MCM4: variants seen among roughly 807,000 people sequenced by gnomAD.
MCM4 encodes the protein DNA replication licensing factor MCM4.
In MCM4, 60 loss-of-function variants were observed where a neutral mutation model predicts 88.7. That is an observed-to-expected ratio of 0.68 (90% CI 0.55 to 0.84). MCM4 has a LOEUF of 0.84. MCM4 is among the 40% of genes least tolerant of loss of function. MCM4 has a pLI of 0.00. For synonymous variants in MCM4, 465 were observed against 410.5 expected, an observed-to-expected ratio of 1.13 and a Z score of -1.61; for missense variants, 1,149 against 1,105.5, an observed-to-expected ratio of 1.04 and a Z score of -0.56.
Position 47,969,781 on chromosome 8 carries a change from C to G in MCM4, c.1175-17C>G. ...GATATGGGAAGGTAAAAGTGCATCT[C>G]CTGGTTGTGCCCTCAGGCATCTATC... On this transcript the variant is annotated splice_polypyrimidine_tract_variant and intron_variant, in intron 10 of 16. Transcript: ENST00000649973. 6.2e-7 allele frequency: 1 copy of G among 1,612,806 alleles called. No individual in the cohort carries two copies. Among genetic ancestry groups the G allele is most frequent in the Non-Finnish European group, 8.5e-7 (1 of 1,178,782 alleles).
chr8:47,971,362 A>G lies in MCM4; in HGVS notation c.1822A>G (p.Asn608Asp). The G allele has an allele frequency of 6.2e-7, 1 of 1,614,108 alleles. No homozygotes were observed. Among genetic ancestry groups the G allele is most frequent in the Non-Finnish European group, 8.5e-7 (1 of 1,180,022 alleles). ...IAKAGIICQLNARTSVLAAAN... is the reference protein window; with the variant it reads ...IAKAGIICQLDARTSVLAAAN... Reference sequence around the variant, plus strand: ...ATAGGCTGGGATCATCTGTCAGCTCAATGCGCGCACCTCTGTCCTGGCAGC... The same window carrying G: ...ATAGGCTGGGATCATCTGTCAGCTCGATGCGCGCACCTCTGTCCTGGCAGC... Residue 608 changes from asparagine to aspartate, a missense_variant, in exon 13 of 17, where the codon AAT (asparagine) becomes GAT (aspartate). Asn to Asp is a conservative substitution (Grantham distance 23). Around this residue, in one of 3 missense-constraint regions of MCM4, gnomAD observed 906 missense variants for 843.0 expected, o/e 1.07. Coordinates refer to ENST00000649973, the MANE Select transcript of MCM4 (RefSeq NM_182746.3).
chr8:47,973,416 T>TG (rs2090973517), intron 14 of MCM4, among the ~76,000 whole-genome samples: 1 of 152,182 alleles, frequency 6.6e-6, no homozygotes, highest in African/African-American at 2.4e-5. Context: ...CCTCAAGTGA[T>TG]GCGCCAGCCT....
chr8:47,966,983 G>A (rs2154505180), intron 9 of MCM4, among the ~76,000 whole-genome samples: 1 of 152,354 alleles, frequency 6.6e-6, no homozygotes, highest in Non-Finnish European at 1.5e-5. Flanking sequence ...AGAAAGGCAG[G>A]CACCCTGCTC....
At position 47,970,820 on chromosome 8, in the gene MCM4, A is replaced by C; in HGVS notation, c.1744A>C (p.Ser582Arg). The C allele has an allele frequency of 6.2e-7, 1 of 1,613,316 alleles. No homozygotes were observed. The highest frequency in any genetic ancestry group is 8.5e-7 in the Non-Finnish European group (1 of 1,179,290). The change falls in exon 12 of 17, where the codon AGT (serine) becomes CGT (arginine). Residue 582 changes from serine (S) to arginine (R), a missense_variant. Ser to Arg is a moderately radical substitution (Grantham distance 110). Transcript: ENST00000649973. ...CIDEFDKMNE[S>R]TRSVLHEVME... ...CGATGAGTTCGACAAGATGAATGAA[A>C]GTACAAGATCGGTATTGCATGAAGT...
At chr8:47,975,870 T>C in intron 16 of MCM4, 22 bp downstream of exon 16, 1 of 1,460,344 alleles carries the variant, frequency 6.8e-7, no homozygotes, top group South Asian at 1.6e-5. Context: ...TATGTATTTT[T>C]TGTTTGATAG....
rs2091010465 is a variant in MCM4 at position 47,977,386 on chromosome 8, G to A, written c.*608G>A. The A allele has an allele frequency of 6.6e-6, 1 of 152,262 alleles. No homozygotes were observed. Among genetic ancestry groups the A allele is most frequent in the East Asian group, 1.9e-4 (1 of 5,198 alleles). 9.4% of individuals were successfully genotyped at this position (152,262 alleles called of 1,614,324 possible). On this transcript the variant is annotated 3_prime_UTR_variant, in exon 17 of 17. Coordinates refer to ENST00000649973, the MANE Select transcript of MCM4 (RefSeq NM_182746.3). The stretch of plus-strand genomic sequence containing the variant: ...TGTGTATGCACAGATGCAGTCTGGG[G>A]CATGGTTTGTGTGCTGGACTTTCTC...
At chr8:47,967,343 T>A in intron 9 of MCM4, 22 bp from the exon 10 acceptor site, 1 of 1,613,950 alleles carries the variant, frequency 6.2e-7, no homozygotes, top group Non-Finnish European at 8.5e-7. Flanking sequence ...GGCCCACATG[T>A]TCTCTGTTTG....
chr8:47,961,793 C>CACGTGA, intron 3 of MCM4, 113 bp downstream of exon 3: 4 of 1,324,728 alleles, frequency 3.0e-6, no homozygotes, highest in Non-Finnish European at 4.1e-6. Context: ...ATCCCCTCTG[C>CACGTGA]ACGTGACTGA....
At chr8:47,970,378 G>C in intron 11 of MCM4, 133 bp from the exon 12 acceptor site, 1 of 1,171,986 alleles carries the variant, frequency 8.5e-7, no homozygotes, top group Non-Finnish European at 1.2e-6. Context: ...GCACTTTCAC[G>C]AGCCTTTTTA....
At chr8:47,962,502 G>A in intron 5 of MCM4, 96 bp downstream of exon 5, 3 of 1,250,714 alleles carry the variant, frequency 2.4e-6, no homozygotes, top group Non-Finnish European at 2.3e-6. Context: ...TGACTAGAAG[G>A]GCCACCTGTG....
intron 10 of MCM4, among the ~76,000 whole-genome samples, chr8:47,967,892 AT>A (rs2090914429): frequency 6.6e-6 from 1 of 152,166 alleles, no homozygotes; most frequent in Admixed American, 6.5e-5. Flanking sequence ...GTTTTAAGTA[AT>A]TTTTACTTAA....
chr8:47,962,720 TC>T, intron 5 of MCM4, 43 bp from the exon 6 acceptor site: 3 of 1,148,202 alleles, frequency 2.6e-6, no homozygotes, highest in Non-Finnish European at 3.8e-6. Context: ...AGTTGCCTGT[TC>T]CCAAATGCTA....
Position 47,961,483 on chromosome 8 carries a change from A to C in MCM4, c.71-33A>C, listed in dbSNP as rs201779320. The C allele has an allele frequency of 8.6e-5, 139 of 1,613,010 alleles. 1 individual carries two copies. The highest frequency in any genetic ancestry group is 2.1e-5 in the Non-Finnish European group (25 of 1,180,024). On this transcript the variant is annotated intron_variant, in intron 2 of 16. Transcript: ENST00000649973. ...TCCAGGAAGGCCGGCCCTGAAAGTT[A>C]ATGGCTGTCTTTTCTGTTTTGTGTG...
rs1156498483 is a variant in MCM4 at position 47,972,846 on chromosome 8, T to C, written c.1929-11T>C. 4 of 1,612,660 alleles carry C rather than the reference T, an allele frequency of 2.5e-6. 1 individual carries two copies. Among genetic ancestry groups the C allele is most frequent in the South Asian group, 2.2e-5 (2 of 91,030 alleles). ...TGCTGGAAAAACAGTATTTTTACTT[T>C]GTTTTCTTAGGTTTGATTTGATCTT... On this transcript the variant is annotated splice_polypyrimidine_tract_variant and intron_variant, in intron 13 of 16. Coordinates refer to ENST00000649973, the MANE Select transcript of MCM4 (RefSeq NM_182746.3).
In MCM4 at chr8:47,977,337, A is replaced by C. The variant is rs1333389079; in HGVS notation, c.*559A>C. The C allele has an allele frequency of 6.6e-6, 1 of 151,592 alleles. No homozygotes were observed. The highest frequency in any genetic ancestry group is 1.5e-5 in the Non-Finnish European group (1 of 68,412). The allele number at this position is 151,592 out of a possible 1,614,324, so 9.4% of individuals were successfully genotyped here. A position where few individuals can be genotyped will look rare whatever the true frequency, so the allele number is the denominator to read the frequency against. On this transcript the variant is annotated 3_prime_UTR_variant, in exon 17 of 17. Coordinates refer to ENST00000649973, the MANE Select transcript of MCM4 (RefSeq NM_182746.3). ...AGATTATTTTCAGGTGCCATTTTAT[A>C]GTATAGCAGCAGGGCTTTTACTCTG... is the stretch of plus-strand genomic sequence containing the variant.
Position 47,972,862 on chromosome 8 carries a change from A to T in MCM4, c.1934A>T (p.Asp645Val). Residue 645 changes from aspartate (D) to valine (V), a missense_variant, in exon 14 of 17, where the codon GAT (aspartate) becomes GTT (valine). Asp to Val is a radical substitution (Grantham distance 152). Around this residue, in one of 3 missense-constraint regions of MCM4, gnomAD observed 906 missense variants for 843.0 expected, o/e 1.07. Transcript: ENST00000649973. ...QLPHTLLSRF[D>V]LIFLLLDPQD... ...TTTTTACTTTGTTTTCTTAGGTTTG[A>T]TTTGATCTTCCTCTTGCTGGACCCT... 1.2e-6 allele frequency: 2 copies of T among 1,613,996 alleles called. No homozygotes were observed. The highest frequency in any genetic ancestry group is 1.7e-6 in the Non-Finnish European group (2 of 1,179,912).
At chr8:47,963,521 T>C (rs1211555246) in intron 7 of MCM4, among the ~76,000 whole-genome samples, 1 of 152,220 alleles carries the variant, frequency 6.6e-6, no homozygotes, top group African/African-American at 2.4e-5. Flanking sequence ...TTAATGTTCC[T>C]GAAAGTGGGA....
chr8:47,961,475 T>G, intron 2 of MCM4, 41 bp from the exon 3 acceptor site: 1 of 1,612,738 alleles, frequency 6.2e-7, no homozygotes, highest in Non-Finnish European at 8.5e-7. Flanking sequence ...AGGCCGGCCC[T>G]GAAAGTTAAT....
In MCM4 at chr8:47,961,522, G is replaced by A. The variant is rs2154504957; in HGVS notation, c.77G>A (p.Ser26Asn). The A allele has an allele frequency of 6.2e-7, 1 of 1,614,056 alleles. No individual in the cohort carries two copies. Residue 26 changes from serine (S) to asparagine (N), a missense_variant, in exon 3 of 17, where the codon AGT becomes AAT. Physicochemically the swap from Ser to Asn is conservative, Grantham distance 46. This residue lies in a region of MCM4 where 906 missense variants were observed against 843.0 expected (regional missense o/e 1.07). Coordinates refer to ENST00000649973, the MANE Select transcript of MCM4 (RefSeq NM_182746.3). ...GRATPAQTPR[S>N]EDARSSPSQR... is the part of the protein sequence containing the mutation. ...CTGTTTTGTGTGACACAAGCTCGGA[G>A]TGAGGATGCCAGGTCATCTCCCTCT...
Sources: gnomAD v4.1 joint callset for allele counts (sites outside exome capture counted in the v4.1 genomes callset) on GRCh38, gnomAD v4.1.1 for gene constraint, gnomAD v4.1.1 regional missense constraint, MANE v1.5 for transcripts, NCBI Gene and HGNC (gene_info 2026-07-23, HGNC 2026-07-21) for gene names.